Variants in CDH18 observed in about 807,000 individuals in gnomAD.
CDH18 encodes the protein cadherin 18.
CDH18 carries 31 observed loss-of-function variants against 67.9 expected under a neutral mutation model. The ratio of observed to expected loss-of-function variants is 0.46; its 90% confidence interval spans 0.34 to 0.62. The LOEUF (loss-of-function observed/expected upper bound fraction) is 0.62, where lower values mean the gene tolerates loss of function less well. Ranked by LOEUF, CDH18 falls within the 20% of genes least tolerant of loss-of-function variation. The pLI, the probability that CDH18 is intolerant of heterozygous loss-of-function variation, is 0.01. For synonymous variants in CDH18, 362 were observed against 347.2 expected, an observed-to-expected ratio of 1.04 and a Z score of -0.48; for missense variants, 890 against 975.5, an observed-to-expected ratio of 0.91 and a Z score of 1.17.
rs764887800 is a variant in CDH18 at position 19,483,559 on chromosome 5, T to C, written c.1631-7A>G. The C allele has an allele frequency of 6.3e-6, 10 of 1,599,612 alleles. No individual in the cohort carries two copies. The highest frequency in any genetic ancestry group is 2.2e-5 in the East Asian group (1 of 44,632). ...AGAATGCTGGCTGTGTTATCTATGA[T>C]AGACATAAGCAAAACAAAATACACT... is the stretch of plus-strand genomic sequence containing the variant. On this transcript the variant is annotated splice_region_variant and splice_polypyrimidine_tract_variant and intron_variant, in intron 11 of 12. Coordinates refer to ENST00000382275, the MANE Select transcript of CDH18 (RefSeq NM_004934.5).
intron 2 of CDH18, among the ~76,000 whole-genome samples, chr5:20,179,912 T>C (rs980771636): frequency 1.3e-5 from 2 of 152,110 alleles, no homozygotes; most frequent in Non-Finnish European, 2.9e-5. Flanking sequence ...AGGAGCTGGC[T>C]GTTGGAGGGA....
intron 1 of CDH18, among the ~76,000 whole-genome samples, chr5:20,263,138 T>C (rs1277383779): frequency 6.6e-6 from 1 of 152,070 alleles, no homozygotes; most frequent in Non-Finnish European, 1.5e-5. Flanking sequence ...GCATGCATTG[T>C]TTTTTGTATT....
chr5:20,551,627 C>T (rs1422267211), intron 1 of CDH18, among the ~76,000 whole-genome samples: 2 of 152,162 alleles, frequency 1.3e-5, no homozygotes, highest in Non-Finnish European at 2.9e-5. Flanking sequence ...TGTTATTCAA[C>T]TGGAGTCCCT....
chr5:20,547,371 G>GC (rs1757398114), intron 1 of CDH18, among the ~76,000 whole-genome samples: 1 of 151,858 alleles, frequency 6.6e-6, no homozygotes, highest in African/African-American at 2.4e-5. Context: ...GACCAGCCTG[G>GC]CCAATATTGT....
intron 2 of CDH18, among the ~76,000 whole-genome samples, chr5:19,931,091 C>T (rs903290669): frequency 6.6e-6 from 1 of 151,896 alleles, no homozygotes; most frequent in African/African-American, 2.4e-5. Flanking sequence ...CCAGTGAGCT[C>T]ACATGAGGTA....
At chr5:20,187,965 A>G (rs1441767024) in intron 2 of CDH18, among the ~76,000 whole-genome samples, 1 of 151,872 alleles carries the variant, frequency 6.6e-6, no homozygotes, top group Non-Finnish European at 1.5e-5. Flanking sequence ...AAAATTGCCA[A>G]CTGAATAAAG....
intron 7 of CDH18, among the ~76,000 whole-genome samples, chr5:19,573,074 CA>C: frequency 6.6e-6 from 1 of 151,902 alleles, no homozygotes; most frequent in East Asian, 1.9e-4. Flanking sequence ...TACCAGTTTC[CA>C]AAAAAATATG....
chr5:19,675,073 C>T (rs1759281006), intron 5 of CDH18, among the ~76,000 whole-genome samples: 4 of 151,892 alleles, frequency 2.6e-5, no homozygotes, highest in African/African-American at 7.3e-5. Context: ...CGGCAGGTTC[C>T]GTGACGCCCC....
At chr5:20,095,364 G>A (rs1358364395) in intron 2 of CDH18, among the ~76,000 whole-genome samples, 1 of 89,768 alleles carries the variant, frequency 1.1e-5, no homozygotes, top group Non-Finnish European at 2.3e-5. Flanking sequence ...AGAAAGAAAA[G>A]ACAGAAGAAA....
chr5:19,901,011 T>C (rs902504051), intron 2 of CDH18, among the ~76,000 whole-genome samples: 3 of 152,148 alleles, frequency 2.0e-5, no homozygotes, highest in Non-Finnish European at 4.4e-5. Context: ...CCCTGCGAAA[T>C]CTATTTAACT....
intron 1 of CDH18, among the ~76,000 whole-genome samples, chr5:20,480,466 G>A (rs998062978): frequency 6.6e-6 from 1 of 152,114 alleles, no homozygotes; most frequent in African/African-American, 2.4e-5. Context: ...TGCCCAGGCT[G>A]GAGTGCAATG....
intron 2 of CDH18, among the ~76,000 whole-genome samples, chr5:20,180,570 T>C (rs1241162314): frequency 6.6e-6 from 1 of 152,218 alleles, no homozygotes; most frequent in Admixed American, 6.5e-5. Context: ...ACCGTACTTC[T>C]ACACACAAAT....
At chr5:20,102,844 T>C (rs758945462) in intron 2 of CDH18, among the ~76,000 whole-genome samples, 1 of 152,234 alleles carries the variant, frequency 6.6e-6, no homozygotes, top group South Asian at 2.1e-4. Flanking sequence ...AGGATAACCA[T>C]CTGTGACTAG....
intron 1 of CDH18, among the ~76,000 whole-genome samples, chr5:20,256,984 ATATCTATC>A (rs758603773): frequency 2.3e-5 from 3 of 128,826 alleles, no homozygotes; most frequent in Non-Finnish European, 1.7e-5. Flanking sequence ...ATCTATATCT[ATATCTATC>A]TATCTATCTA....
chr5:19,490,036 T>C (rs569713876), intron 11 of CDH18, among the ~76,000 whole-genome samples: 5 of 152,070 alleles, frequency 3.3e-5, no homozygotes, highest in Non-Finnish European at 5.9e-5. Flanking sequence ...TTCTACCCGT[T>C]ATTTATCACA....
intron 1 of CDH18, among the ~76,000 whole-genome samples, chr5:20,279,127 T>C (rs1746028674): frequency 6.6e-6 from 1 of 151,742 alleles, no homozygotes; most frequent in African/African-American, 2.4e-5. Context: ...GGATAAGAAA[T>C]GAGACTCAAA....
chr5:20,033,717 T>A (rs909341123), intron 2 of CDH18, among the ~76,000 whole-genome samples: 4 of 152,018 alleles, frequency 2.6e-5, no homozygotes, highest in Non-Finnish European at 5.9e-5. Flanking sequence ...TGGCAAACAA[T>A]ATGCATAAGC....
intron 2 of CDH18, among the ~76,000 whole-genome samples, chr5:20,027,997 A>G (rs1389302940): frequency 3.9e-5 from 6 of 152,232 alleles, no homozygotes; most frequent in Non-Finnish European, 7.3e-5. Context: ...GTATTCATCT[A>G]CTACAAAAAT....
intron 5 of CDH18, among the ~76,000 whole-genome samples, chr5:19,700,749 T>C (rs990761611): frequency 2.0e-5 from 3 of 152,160 alleles, no homozygotes; most frequent in Admixed American, 6.5e-5. Flanking sequence ...TATTTGTATC[T>C]AAACATTCCC....
Sources: gnomAD v4.1 joint callset for allele counts (sites outside exome capture counted in the v4.1 genomes callset) on GRCh38, gnomAD v4.1.1 for gene constraint, MANE v1.5 for transcripts, NCBI Gene and HGNC (gene_info 2026-07-23, HGNC 2026-07-21) for gene names.